Variants in ITPR2 observed in about 807,000 individuals in gnomAD.
ITPR2 encodes the protein inositol 1,4,5-trisphosphate-gated calcium channel ITPR2.
ITPR2 carries 207 observed loss-of-function variants against 317.1 expected under a neutral mutation model. The observed-to-expected ratio is 0.65, with a 90% CI of 0.58 to 0.73. ITPR2 has a LOEUF of 0.73. Ranked by LOEUF, ITPR2 falls within the 30% of genes least tolerant of loss-of-function variation. The probability of loss-of-function intolerance (pLI) is 0.00; values close to 1 mark genes in which losing one functional copy is unlikely to be tolerated. For synonymous variants in ITPR2, 1,156 were observed against 1,149.1 expected (o/e 1.01, Z -0.12); for missense variants, 2,613 against 3,284.0 (o/e 0.80, Z 4.99).
At chr12:26,359,318 T>C (rs1430374589) in intron 55 of ITPR2, among the ~76,000 whole-genome samples, 1 of 152,172 alleles carries the variant, frequency 6.6e-6, no homozygotes, top group African/African-American at 2.4e-5. Context: ...GTGCACCATA[T>C]TAATGCTAAC....
chr12:26,452,381 C>CA (rs5797176), intron 45 of ITPR2, among the ~76,000 whole-genome samples: 133,441 of 151,900 alleles, frequency 0.88, 58,688 homozygotes, highest in Non-Finnish European at 0.9. Context: ...AACACATTTT[C>CA]AAAAAAATGA....
chr12:26,415,732 T>C (rs187258978), intron 50 of ITPR2, among the ~76,000 whole-genome samples: 4 of 152,326 alleles, frequency 2.6e-5, no homozygotes, highest in African/African-American at 9.6e-5. Context: ...CATCTGTTGG[T>C]TTCAAAACCA....
chr12:26,474,790 T>C (rs538951571), intron 45 of ITPR2, among the ~76,000 whole-genome samples: 3 of 54,690 alleles, frequency 5.5e-5, no homozygotes, highest in South Asian at 1.9e-3. Context: ...CGAGACTCCG[T>C]CTCAAAAAAA....
chr12:26,517,020 T>C (rs1011223521), intron 37 of ITPR2, among the ~76,000 whole-genome samples: 12 of 152,114 alleles, frequency 7.9e-5, no homozygotes, highest in African/African-American at 2.9e-4. Context: ...AATGTAAGAA[T>C]ATTTGAAGAG....
intron 55 of ITPR2, among the ~76,000 whole-genome samples, chr12:26,362,816 T>C (rs921880591): frequency 6.6e-6 from 1 of 152,180 alleles, no homozygotes; most frequent in Admixed American, 6.5e-5. Flanking sequence ...TCATCACCTC[T>C]TCCTAGTGTA....
chr12:26,501,275 A>AT (rs1039616492), intron 37 of ITPR2, among the ~76,000 whole-genome samples: 1 of 152,082 alleles, frequency 6.6e-6, no homozygotes, highest in African/African-American at 2.4e-5. Flanking sequence ...CTGATTAGGT[A>AT]TTTTTCCTCA....
At chr12:26,477,566 C>G (rs1282242602) in intron 43 of ITPR2, among the ~76,000 whole-genome samples, 1 of 152,068 alleles carries the variant, frequency 6.6e-6, no homozygotes, top group Non-Finnish European at 1.5e-5. Flanking sequence ...CCTAGTCTCA[C>G]TATATGGCAG....
chr12:26,711,068 G>C (rs1948634925), intron 9 of ITPR2, 105 bp downstream of exon 9: 1 of 696,488 alleles, frequency 1.4e-6, no homozygotes, highest in African/African-American at 1.8e-5. Context: ...AATCAAATTT[G>C]TGTAATGACT....
chr12:26,544,567 GACAC>G (rs35479352), intron 37 of ITPR2, among the ~76,000 whole-genome samples: 73,083 of 145,790 alleles, frequency 0.5, 22,988 homozygotes, highest in Non-Finnish European at 0.71. Flanking sequence ...TTCACACATA[GACAC>G]ACACACACAC....
chr12:26,762,160 A>C (rs1949646619), intron 2 of ITPR2, among the ~76,000 whole-genome samples: 1 of 152,236 alleles, frequency 6.6e-6, no homozygotes, highest in South Asian at 2.1e-4. Flanking sequence ...AGAAAGAAAA[A>C]GGGGCATAAC....
At chr12:26,747,930 G>A (rs1052272570) in intron 2 of ITPR2, among the ~76,000 whole-genome samples, 1 of 152,050 alleles carries the variant, frequency 6.6e-6, no homozygotes, top group Non-Finnish European at 1.5e-5. Context: ...CCTTCCTAAG[G>A]GACTTCTGTG....
intron 13 of ITPR2, among the ~76,000 whole-genome samples, chr12:26,674,950 T>A (rs1947874295): frequency 6.6e-6 from 1 of 151,936 alleles, no homozygotes; most frequent in East Asian, 1.9e-4. Context: ...GAAAAAATGC[T>A]CACCATCACT....
Position 26,599,207 on chromosome 12 carries a change from G to A in ITPR2, c.3940C>T (p.Gln1314Ter). ...GRHVEYLRFL[Q>*]TIVKADGKYV... ...TTACCATCTGCTTTTACAATTGTTT[G>A]CAAAAACCTCAGGTACTCCACGTGG... Residue 1314 changes from glutamine to a stop codon, truncating the protein, a stop_gained, in exon 30 of 57, where the codon CAA becomes TAA. Transcript: ENST00000381340. LOFTEE classifies it high-confidence loss of function. 6.2e-7 allele frequency: 1 copy of A among 1,613,986 alleles called. No individual in the cohort carries two copies. Among genetic ancestry groups the A allele is most frequent in the Non-Finnish European group, 8.5e-7 (1 of 1,179,938 alleles).
At chr12:26,585,369 G>A (rs1945498735) in intron 32 of ITPR2, among the ~76,000 whole-genome samples, 1 of 152,072 alleles carries the variant, frequency 6.6e-6, no homozygotes, top group African/African-American at 2.4e-5. Context: ...TTAACCGTTT[G>A]TCAAATATTA....
Position 26,340,225 on chromosome 12 carries a change from T to C in ITPR2, c.7961A>G (p.Glu2654Gly). The C allele has an allele frequency of 6.2e-7, 1 of 1,611,144 alleles. No individual in the cohort carries two copies. The highest frequency in any genetic ancestry group is 8.5e-7 in the Non-Finnish European group (1 of 1,178,774). The change falls in exon 56 of 57, where the codon GAA (glutamate) becomes GGA (glycine). Residue 2654 changes from glutamate (E) to glycine (G), a missense_variant. Physicochemically the swap from Glu to Gly is moderately conservative, Grantham distance 98 (BLOSUM62 -2). Transcript: ENST00000381340. ...CTGTTTGACCAGACTCATGGTCGATTCCAACTTCTCCTGAAGGCTCCGAAT... is the reference window on the plus strand; with the variant it reads ...CTGTTTGACCAGACTCATGGTCGATCCCAACTTCTCCTGAAGGCTCCGAAT... The part of the protein sequence containing the change: ...NEIRSLQEKL[E>G]STMSLVKQLS...
chr12:26,578,914 G>T (rs1945334055), intron 33 of ITPR2, 81 bp from the exon 34 acceptor site: 2 of 1,350,656 alleles, frequency 1.5e-6, no homozygotes, highest in Non-Finnish European at 2.0e-6. Context: ...TTCTCAGAAA[G>T]GTTCATCAAA....
At chr12:26,702,720 T>C (rs1948472288) in intron 9 of ITPR2, among the ~76,000 whole-genome samples, 1 of 152,064 alleles carries the variant, frequency 6.6e-6, no homozygotes, top group African/African-American at 2.4e-5. Flanking sequence ...GATTACAGTC[T>C]AGCACTGAGT....
intron 1 of ITPR2, among the ~76,000 whole-genome samples, chr12:26,802,950 C>T (rs1173777033): frequency 6.6e-6 from 1 of 152,188 alleles, no homozygotes; most frequent in East Asian, 1.9e-4. Flanking sequence ...AATAGACATA[C>T]ATAAAATAGA....
chr12:26,544,355 A>T (rs1005865174), intron 37 of ITPR2, among the ~76,000 whole-genome samples: 2 of 152,304 alleles, frequency 1.3e-5, no homozygotes, highest in African/African-American at 4.8e-5. Context: ...AGCTTTTAAT[A>T]AATAATTGAC....
Sources: allele counts gnomAD v4.1 joint callset (sites outside exome capture counted in the v4.1 genomes callset), GRCh38; gene constraint gnomAD v4.1.1; transcripts MANE v1.5; gene names NCBI Gene and HGNC (gene_info 2026-07-23, HGNC 2026-07-21).